MTUS2: variants seen among roughly 807,000 people sequenced by gnomAD.
MTUS2 encodes microtubule associated scaffold protein 2.
A neutral mutation model predicts 114.1 loss-of-function variants in MTUS2; 40 were observed. The ratio of observed to expected loss-of-function variants is 0.35; its 90% CI spans 0.27 to 0.46. MTUS2 has a LOEUF of 0.46. Among genes scored for constraint, MTUS2 ranks in the 20% least tolerant of loss-of-function variants. MTUS2 has a pLI of 1.00. For synonymous variants in MTUS2, 688 were observed against 672.0 expected (o/e 1.02, Z -0.37); for missense variants, 1,679 against 1,705.4 (o/e 0.98, Z 0.27).
At chr13:29,030,575 T>C (rs1267677489) in intron 3 of MTUS2, among the ~76,000 whole-genome samples, 2 of 152,168 alleles carry the variant, frequency 1.3e-5, no homozygotes, top group East Asian at 1.9e-4. Flanking sequence ...CCCCCTCTTG[T>C]GTTTGAGCTC....
chr13:29,253,425 C>CA (rs58461628), intron 5 of MTUS2, among the ~76,000 whole-genome samples: 1,508 of 147,556 alleles, frequency 0.01, 26 homozygotes, highest in African/African-American at 0.033. Context: ...GACTCCATCT[C>CA]AAAAAAAAAA....
chr13:29,141,861 ATT>A (rs370911804), intron 5 of MTUS2, among the ~76,000 whole-genome samples: 8 of 142,336 alleles, frequency 5.6e-5, no homozygotes, highest in Non-Finnish European at 7.7e-5. Flanking sequence ...TGGGGATCTA[ATT>A]TTTTTTTTTT....
At chr13:28,885,622 T>C (rs1207381472) in intron 2 of MTUS2, among the ~76,000 whole-genome samples, 1 of 152,220 alleles carries the variant, frequency 6.6e-6, no homozygotes, top group Non-Finnish European at 1.5e-5. Context: ...TGTTGATCTT[T>C]AGCTCTGGAT....
intron 4 of MTUS2, among the ~76,000 whole-genome samples, chr13:29,077,279 C>A (rs1889232982): frequency 6.6e-6 from 1 of 151,964 alleles, no homozygotes; most frequent in South Asian, 2.1e-4. Context: ...TGTTTCCAAG[C>A]AAGGTGAGAG....
At chr13:28,835,157 T>A (rs1041997869) in intron 1 of MTUS2, among the ~76,000 whole-genome samples, 5 of 152,198 alleles carry the variant, frequency 3.3e-5, no homozygotes, top group Non-Finnish European at 5.9e-5. Flanking sequence ...GAAACTCTCT[T>A]CCTAAGTGTA....
intron 2 of MTUS2, among the ~76,000 whole-genome samples, chr13:28,982,750 G>T (rs147649045): frequency 6.6e-6 from 1 of 152,166 alleles, no homozygotes; most frequent in Admixed American, 6.5e-5. Flanking sequence ...GCATATTAGC[G>T]TATTATGTTA....
At chr13:29,219,609 T>C (rs1282669646) in intron 5 of MTUS2, among the ~76,000 whole-genome samples, 1 of 152,226 alleles carries the variant, frequency 6.6e-6, no homozygotes, top group Non-Finnish European at 1.5e-5. Context: ...CCTCTCTAGT[T>C]AGGAAGGTCC....
At chr13:29,445,926 A>T (rs1468545374) in intron 9 of MTUS2, among the ~76,000 whole-genome samples, 1 of 150,288 alleles carries the variant, frequency 6.7e-6, no homozygotes, top group Admixed American at 6.6e-5. Context: ...AAAAAGAGAG[A>T]GTTTATATAA....
At chr13:28,934,237 T>G (rs114577514) in intron 2 of MTUS2, among the ~76,000 whole-genome samples, 9 of 152,354 alleles carry the variant, frequency 5.9e-5, no homozygotes, top group African/African-American at 1.9e-4. Context: ...ATTGATTAGT[T>G]AAAGTTTATT....
At position 29,018,262 on chromosome 13, in the gene MTUS2, G is replaced by A. The variant is rs749800296; in HGVS notation, c.-242-6195G>A. On this transcript the variant is annotated intron_variant, in intron 2 of 15. Coordinates refer to ENST00000612955, the MANE Select transcript of MTUS2 (RefSeq NM_001033602.4). ...CTCATTGGACCTTGAATGTCAAGCCGAGAGGTGTCACTTTAGCCTGTCATT... is the reference window on the plus strand; with the variant it reads ...CTCATTGGACCTTGAATGTCAAGCCAAGAGGTGTCACTTTAGCCTGTCATT... Among the ~76,000 whole-genome samples the A allele has an allele frequency of 3.3e-4, 50 of 152,280 alleles. 1 individual carries two copies. Among genetic ancestry groups the A allele is most frequent in the Non-Finnish European group, 2.4e-4 (16 of 68,014 alleles).
At chr13:29,311,597 ACTTAT>A (rs1404528939) in intron 6 of MTUS2, among the ~76,000 whole-genome samples, 4 of 152,186 alleles carry the variant, frequency 2.6e-5, no homozygotes, top group African/African-American at 9.7e-5. Context: ...AAAGGAAATA[ACTTAT>A]CTTAATACTT....
intron 4 of MTUS2, among the ~76,000 whole-genome samples, chr13:29,063,580 G>A (rs529257209): frequency 2.6e-5 from 4 of 152,264 alleles, no homozygotes; most frequent in African/African-American, 7.2e-5. Flanking sequence ...TTGACATACT[G>A]TGTAAAGTTT....
intron 8 of MTUS2, among the ~76,000 whole-genome samples, chr13:29,392,249 A>G (rs1873560748): frequency 6.6e-6 from 1 of 151,590 alleles, no homozygotes; most frequent in African/African-American, 2.4e-5. Context: ...GCCCCTGGCC[A>G]CCACCATTCT....
chr13:29,060,256 C>G (rs1462149231), intron 4 of MTUS2, among the ~76,000 whole-genome samples: 1 of 152,138 alleles, frequency 6.6e-6, no homozygotes, highest in Non-Finnish European at 1.5e-5. Context: ...GTTGCCCCCA[C>G]AAAATGTCCA....
At chr13:29,139,339 T>C (rs1892119096) in intron 5 of MTUS2, among the ~76,000 whole-genome samples, 1 of 152,252 alleles carries the variant, frequency 6.6e-6, no homozygotes, top group Admixed American at 6.5e-5. Flanking sequence ...ATTTCTGTTT[T>C]CCTCTAGTGC....
chr13:29,244,266 C>T (rs1373409154), intron 5 of MTUS2, among the ~76,000 whole-genome samples: 3 of 152,066 alleles, frequency 2.0e-5, no homozygotes, highest in Admixed American at 2.0e-4. Context: ...AAAATAAAAC[C>T]TAAAAGGGCC....
intron 2 of MTUS2, among the ~76,000 whole-genome samples, chr13:28,888,398 A>C (rs1481658666): frequency 7.3e-5 from 11 of 150,090 alleles, no homozygotes; most frequent in Non-Finnish European, 1.6e-4. Context: ...GACCCCATCT[A>C]TCTGGTTTTC....
chr13:28,835,378 T>A (rs544970282), intron 1 of MTUS2, among the ~76,000 whole-genome samples: 2 of 152,300 alleles, frequency 1.3e-5, no homozygotes, highest in East Asian at 3.9e-4. Context: ...TGAAAGCATT[T>A]TGTTAATTGA....
At chr13:29,400,540 C>T (rs540422163) in intron 8 of MTUS2, among the ~76,000 whole-genome samples, 2 of 152,156 alleles carry the variant, frequency 1.3e-5, no homozygotes, top group Non-Finnish European at 1.5e-5. Flanking sequence ...CACCTAATAT[C>T]TAATCAAAGA....
Sources: gnomAD v4.1 joint callset for allele counts (sites outside exome capture counted in the v4.1 genomes callset) on GRCh38, gnomAD v4.1.1 for gene constraint, MANE v1.5 for transcripts, NCBI Gene and HGNC (gene_info 2026-07-23, HGNC 2026-07-21) for gene names.